The following APOBEC2 variants were observed in gnomAD, a reference collection of about 807,000 sequenced individuals.
APOBEC2 encodes the protein C->U-editing enzyme APOBEC-2.
In APOBEC2, 14 loss-of-function variants were observed where a neutral mutation model predicts 19.4. That is an observed-to-expected ratio of 0.72 (90% CI 0.48 to 1.13). The LOEUF is 1.13. Among genes scored for constraint, APOBEC2 ranks in the 50% most tolerant of loss-of-function variants. The pLI is 0.00. For synonymous variants in APOBEC2, 127 were observed against 112.1 expected (o/e 1.13, Z -0.84); for missense variants, 304 against 277.0 (o/e 1.10, Z -0.69).
rs1057352090 is a variant in APOBEC2 at position 41,064,470 on chromosome 6, T to A, written c.*391T>A. The A allele has an allele frequency of 9.9e-5, 15 of 152,042 alleles. No individual in the cohort carries two copies. The highest frequency in any genetic ancestry group is 2.2e-4 in the Non-Finnish European group (15 of 68,000). 9.4% of individuals were successfully genotyped at this position (152,042 alleles called of 1,614,324 possible). On this transcript the variant is annotated 3_prime_UTR_variant, in exon 3 of 3. Coordinates refer to ENST00000244669, the MANE Select transcript of APOBEC2 (RefSeq NM_006789.4). ...TTTTATGTTAAGTTGGGTATTTTTT[T>A]AAAAAAAGAAAAACAGCAACATTAA...
chr6:41,059,407 G>A (rs1006181886), intron 1 of APOBEC2, among the ~76,000 whole-genome samples: 1 of 152,166 alleles, frequency 6.6e-6, no homozygotes. Context: ...AGGAAGTGAA[G>A]GGACCATTTG....
At position 41,053,458 on chromosome 6, in the gene APOBEC2, G is replaced by A. The variant is rs781098949; in HGVS notation, c.111G>A (p.Pro37=). 3.9e-5 allele frequency: 63 copies of A among 1,614,078 alleles called. No homozygotes were observed. The highest frequency in any genetic ancestry group is 5.5e-5 in the South Asian group (5 of 91,088). ...PEKLKELIEL[P]PFEIVTGERL... is the part of the protein sequence containing the mutation. ...AGCTGAAAGAGCTGATTGAGCTGCCGCCCTTTGAGATTGTCACAGGGTAAG... is the reference window on the plus strand; with the variant it reads ...AGCTGAAAGAGCTGATTGAGCTGCCACCCTTTGAGATTGTCACAGGGTAAG... Residue 37 remains proline (P), a synonymous_variant, in exon 1 of 3, where the codon CCG becomes CCA. Transcript: ENST00000244669.
intron 1 of APOBEC2, among the ~76,000 whole-genome samples, chr6:41,056,937 T>G (rs1248647113): frequency 6.6e-6 from 1 of 152,090 alleles, no homozygotes; most frequent in Non-Finnish European, 1.5e-5. Context: ...ACAGCACGTT[T>G]TAGTAGAGCT....
chr6:41,054,682 C>G (rs1355008073), intron 1 of APOBEC2, among the ~76,000 whole-genome samples: 4 of 152,238 alleles, frequency 2.6e-5, no homozygotes, highest in East Asian at 3.8e-4. Context: ...TAATCTCACC[C>G]TCATCCTAGG....
chr6:41,058,399 CCACACA>C (rs3049087), intron 1 of APOBEC2, among the ~76,000 whole-genome samples: 11,440 of 142,522 alleles, frequency 0.08, 619 homozygotes, highest in Middle Eastern at 0.13. Context: ...CACCACCCCA[CCACACA>C]CACACACACA....
chr6:41,057,780 T>C (rs1475859582), intron 1 of APOBEC2, among the ~76,000 whole-genome samples: 1 of 152,218 alleles, frequency 6.6e-6, no homozygotes, highest in African/African-American at 2.4e-5. Flanking sequence ...TTTCACAGTA[T>C]AGATTTACGC....
chr6:41,053,908 C>G (rs1370990907), intron 1 of APOBEC2, among the ~76,000 whole-genome samples: 3 of 152,192 alleles, frequency 2.0e-5, no homozygotes, highest in Non-Finnish European at 4.4e-5. Context: ...TCTCCGCTAG[C>G]CATAGGCCTC....
chr6:41,063,075 T>C (rs967054111), intron 2 of APOBEC2, among the ~76,000 whole-genome samples: 5 of 152,218 alleles, frequency 3.3e-5, no homozygotes, highest in African/African-American at 9.6e-5. Flanking sequence ...TGTCGCTTCA[T>C]AGACACGTTT....
intron 2 of APOBEC2, among the ~76,000 whole-genome samples, chr6:41,062,472 T>C (rs1207634013): frequency 6.6e-6 from 1 of 152,214 alleles, no homozygotes; most frequent in Non-Finnish European, 1.5e-5. Context: ...ATGGCTACAC[T>C]TTGAAGGAGA....
intron 1 of APOBEC2, among the ~76,000 whole-genome samples, chr6:41,054,710 G>A (rs959827678): frequency 3.3e-5 from 5 of 152,210 alleles, no homozygotes; most frequent in African/African-American, 1.2e-4. Flanking sequence ...GAGCAGCTGG[G>A]CACAGATTAA....
intron 1 of APOBEC2, among the ~76,000 whole-genome samples, chr6:41,057,290 C>T (rs1030500313): frequency 6.6e-6 from 1 of 152,148 alleles, no homozygotes; most frequent in Admixed American, 6.5e-5. Flanking sequence ...TCACCCTGGC[C>T]TCTGGAGCAC....
intron 1 of APOBEC2, among the ~76,000 whole-genome samples, chr6:41,055,139 A>G (rs1762778482): frequency 6.6e-6 from 1 of 152,192 alleles, no homozygotes; most frequent in South Asian, 2.1e-4. Flanking sequence ...ATTGAATGGT[A>G]TGTCCAAAAC....
intron 1 of APOBEC2, among the ~76,000 whole-genome samples, chr6:41,056,838 T>C (rs1336947229): frequency 6.6e-6 from 1 of 151,882 alleles, no homozygotes; most frequent in Non-Finnish European, 1.5e-5. Flanking sequence ...TGGGGGAGGG[T>C]TTCTTGAGGA....
chr6:41,055,793 T>A (rs1762787827), intron 1 of APOBEC2, among the ~76,000 whole-genome samples: 1 of 152,222 alleles, frequency 6.6e-6, no homozygotes, highest in Non-Finnish European at 1.5e-5. Context: ...GGCCTAAGCC[T>A]GCCGTAGCGT....
At chr6:41,060,907 T>C (rs372086982) in intron 1 of APOBEC2, among the ~76,000 whole-genome samples, 1 of 152,272 alleles carries the variant, frequency 6.6e-6, no homozygotes, top group Non-Finnish European at 1.5e-5. Context: ...TTAAAAATAC[T>C]GATGCTTGGA....
intron 2 of APOBEC2, 78 bp from the exon 3 acceptor site, chr6:41,064,023 T>C (rs1221542351): frequency 2.6e-5 from 4 of 152,532 alleles, no homozygotes. Flanking sequence ...ACAGAAACCT[T>C]AGTTCAAAAA....
rs374242958 is a variant in APOBEC2 at position 41,054,348 on chromosome 6, C to T, written c.131+870C>T. Among the ~76,000 whole-genome samples, 3 of 152,168 alleles carry T rather than the reference C, an allele frequency of 2.0e-5. No individual in the cohort carries two copies. The East Asian group carries it at 5.8e-4, about 29-fold the overall frequency. On this transcript the variant is annotated intron_variant, in intron 1 of 2. Coordinates refer to ENST00000244669, the MANE Select transcript of APOBEC2 (RefSeq NM_006789.4). ...ATGAGGCCATATTTCCTCCTTGAAC[C>T]AAACGTTCCCTTCATGGGGTCTCCA...
In APOBEC2 at chr6:41,064,112, G is replaced by A. The variant is rs1234796256; in HGVS notation, c.*33G>A. On this transcript the variant is annotated 3_prime_UTR_variant, in exon 3 of 3. Transcript: ENST00000244669. ...TTTGTTTTACCAAGGTATTCCTGCT[G>A]CCACCAAGAGACAGCAATGACATGT... is the stretch of plus-strand genomic sequence containing the variant. 1.3e-5 allele frequency: 2 copies of A among 152,522 alleles called. No individual in the cohort carries two copies. Among genetic ancestry groups the A allele is most frequent in the African/African-American group, 4.8e-5 (2 of 41,400 alleles). The allele number at this position is 152,522 out of a possible 1,614,324, so 9.4% of individuals were successfully genotyped here. A position where few individuals can be genotyped will look rare whatever the true frequency, so the allele number is the denominator to read the frequency against.
At chr6:41,055,051 T>C (rs1164446638) in intron 1 of APOBEC2, among the ~76,000 whole-genome samples, 1 of 152,152 alleles carries the variant, frequency 6.6e-6, no homozygotes, top group Non-Finnish European at 1.5e-5. Context: ...CATGAGACCA[T>C]TCAACACTCA....
Sources: allele counts gnomAD v4.1 joint callset (sites outside exome capture counted in the v4.1 genomes callset), GRCh38; gene constraint gnomAD v4.1.1; transcripts MANE v1.5; gene names NCBI Gene and HGNC (gene_info 2026-07-23, HGNC 2026-07-21).